Variants in MYO3A observed in about 807,000 individuals in gnomAD.
MYO3A encodes myosin-IIIa.
MYO3A carries 180 observed loss-of-function variants against 192.7 expected under a neutral mutation model. The observed-to-expected ratio is 0.93, with a 90% CI of 0.83 to 1.06. MYO3A has a LOEUF of 1.06. Ranked by LOEUF, MYO3A falls within the 50% of genes least tolerant of loss-of-function variation. MYO3A has a pLI of 0.00. For synonymous variants in MYO3A, 628 were observed against 645.3 expected (o/e 0.97, Z 0.41); for missense variants, 1,896 against 1,905.0 (o/e 1.00, Z 0.09).
At chr10:25,937,489 G>C (rs1836166382) in intron 2 of MYO3A, among the ~76,000 whole-genome samples, 1 of 152,158 alleles carries the variant, frequency 6.6e-6, no homozygotes, top group African/African-American at 2.4e-5. Flanking sequence ...CTCAGGTGAT[G>C]CTTATATCAA....
intron 10 of MYO3A, among the ~76,000 whole-genome samples, chr10:26,039,539 T>C (rs535970337): frequency 1.3e-5 from 2 of 152,246 alleles, no homozygotes; most frequent in African/African-American, 4.8e-5. Context: ...TGGGAGACTT[T>C]TTATGACGGC....
intron 4 of MYO3A, among the ~76,000 whole-genome samples, chr10:25,986,960 C>A (rs531162134): frequency 6.6e-6 from 1 of 152,066 alleles, no homozygotes; most frequent in African/African-American, 2.4e-5. Context: ...AACTTCAAAC[C>A]ACACTATAGG....
At chr10:25,966,717 C>A (rs12241145) in intron 4 of MYO3A, among the ~76,000 whole-genome samples, 2,733 of 152,188 alleles carry the variant, frequency 0.018, 93 homozygotes, top group African/African-American at 0.062. Context: ...GTTTTCTAAA[C>A]AAGCACAAAG....
Position 26,202,949 on chromosome 10 carries a change from T to G in MYO3A, c.4587-15T>G, listed in dbSNP as rs763541016. On this transcript the variant is annotated splice_polypyrimidine_tract_variant and intron_variant, in intron 33 of 34. Transcript: ENST00000642920. ...TTAGATTGATGCAATGGTGTGTTTA[T>G]GTGTTCATTTACAGTCAGGGAAAAT... 1 of 1,613,126 alleles carries G rather than the reference T, an allele frequency of 6.2e-7. No homozygotes were observed. The highest frequency in any genetic ancestry group is 8.5e-7 in the Non-Finnish European group (1 of 1,179,318).
rs1835143446 is a variant in MYO3A, at chr10:26,070,527, G to C, written c.1359+126G>C. Reference sequence around the variant, plus strand: ...TAATGTACAGAAATTTTAAAATACAGTTGTTATCCTTTGAGAGTTTAAAAT... The same window carrying C: ...TAATGTACAGAAATTTTAAAATACACTTGTTATCCTTTGAGAGTTTAAAAT... On this transcript the variant is annotated intron_variant, in intron 14 of 34. Transcript: ENST00000642920. 8.1e-6 allele frequency: 7 copies of C among 867,962 alleles called. No homozygotes were observed. In the South Asian group the frequency reaches 1.0e-4, roughly 13 times the overall value. 53.8% of individuals were successfully genotyped at this position (867,962 alleles called of 1,614,324 possible). A position where few individuals can be genotyped will look rare whatever the true frequency, so the allele number is the denominator to read the frequency against.
intron 34 of MYO3A, among the ~76,000 whole-genome samples, chr10:26,208,052 A>AT (rs79735522): frequency 0.19 from 28,462 of 150,140 alleles, 2,808 homozygotes; most frequent in East Asian, 0.32. Context: ...TGTTTTCTTG[A>AT]TTTTTTTTTT....
chr10:26,140,962 C>T (rs1840127434), intron 20 of MYO3A, among the ~76,000 whole-genome samples: 1 of 152,112 alleles, frequency 6.6e-6, no homozygotes, highest in Non-Finnish European at 1.5e-5. Flanking sequence ...GAGTCTCGCT[C>T]TGTCGCCCAG....
In MYO3A at chr10:26,024,003, T is replaced by C. The variant is rs757402790; in HGVS notation, c.732-19T>C. The stretch of plus-strand genomic sequence containing the variant: ...ACTGACCAATATACAGAATCCAACA[T>C]TGATTCTTATTTTTCTAGGAATCCA... On this transcript the variant is annotated intron_variant, in intron 8 of 34. Transcript: ENST00000642920. 9.5e-5 allele frequency: 152 copies of C among 1,606,106 alleles called. 1 individual carries two copies. Among genetic ancestry groups the C allele is most frequent in the South Asian group, 8.0e-4 (73 of 90,912 alleles).
chr10:26,081,689 A>AG (rs1835968995), intron 14 of MYO3A, among the ~76,000 whole-genome samples: 1 of 152,330 alleles, frequency 6.6e-6, no homozygotes, highest in South Asian at 2.1e-4. Flanking sequence ...CTGTGGTGCC[A>AG]GGCAGGAGTG....
At chr10:26,172,180 C>G (rs771254458) in intron 29 of MYO3A, among the ~76,000 whole-genome samples, 5 of 152,198 alleles carry the variant, frequency 3.3e-5, no homozygotes, top group Non-Finnish European at 5.9e-5. Context: ...CAGAGATCTG[C>G]GGGCCAGCAC....
intron 7 of MYO3A, among the ~76,000 whole-genome samples, chr10:26,020,040 G>T (rs370622319): frequency 0.066 from 10,050 of 151,674 alleles, 411 homozygotes; most frequent in Non-Finnish European, 0.094. Flanking sequence ...AAACTATTCT[G>T]TCTTTATATA....
intron 34 of MYO3A, chr10:26,204,223 A>G (rs1195100849): frequency 6.6e-6 from 1 of 152,234 alleles, no homozygotes; most frequent in African/African-American, 2.4e-5. Flanking sequence ...AGAACACCAA[A>G]TGCCAGAAAG....
At chr10:25,983,506 C>T (rs1410751823) in intron 4 of MYO3A, among the ~76,000 whole-genome samples, 1 of 152,132 alleles carries the variant, frequency 6.6e-6, no homozygotes, top group African/African-American at 2.4e-5. Context: ...ATCCACCCGC[C>T]TCGGCCTCCC....
At chr10:25,974,368 A>C (rs890145010) in intron 4 of MYO3A, among the ~76,000 whole-genome samples, 1 of 152,176 alleles carries the variant, frequency 6.6e-6, no homozygotes, top group Non-Finnish European at 1.5e-5. Context: ...TGTTGCTCTC[A>C]TGGAGTTACC....
At position 26,104,890 on chromosome 10, in the gene MYO3A, C is replaced by CAG. The variant is rs560069271; in HGVS notation, c.1776+8209_1776+8210insGA. On this transcript the variant is annotated intron_variant, in intron 17 of 34. Transcript: ENST00000642920. ...ATACACACACACACACACACACACACACACACCCATGCAGATGTTGACACA... is the reference window on the plus strand; with the variant it reads ...ATACACACACACACACACACACACACAGACACACCCATGCAGATGTTGACACA... 4.9e-4 allele frequency among the ~76,000 whole-genome samples: 75 copies of CAG among 151,850 alleles called. 1 individual carries two copies. The highest frequency in any genetic ancestry group is 4.3e-3 in the Admixed American group (66 of 15,246).
chr10:26,000,366 C>G (rs1363314205), intron 6 of MYO3A, among the ~76,000 whole-genome samples: 1 of 152,166 alleles, frequency 6.6e-6, no homozygotes, highest in East Asian at 1.9e-4. Context: ...ATAACATGAT[C>G]TTCACCCCAG....
chr10:25,961,639 A>G (rs1011551013), intron 4 of MYO3A, among the ~76,000 whole-genome samples: 12 of 151,882 alleles, frequency 7.9e-5, no homozygotes, highest in Non-Finnish European at 1.5e-4. Context: ...AAGTGGAGGG[A>G]AAAAAAAGGC....
intron 10 of MYO3A, among the ~76,000 whole-genome samples, chr10:26,034,482 GAAGTA>G (rs2131172341): frequency 6.6e-6 from 1 of 152,310 alleles, no homozygotes; most frequent in African/African-American, 2.4e-5. Flanking sequence ...CCCCATAGAT[GAAGTA>G]AAGACTGTAT....
At chr10:26,177,790 C>T (rs1842406662) in intron 31 of MYO3A, among the ~76,000 whole-genome samples, 1 of 152,242 alleles carries the variant, frequency 6.6e-6, no homozygotes, top group African/African-American at 2.4e-5. Context: ...GGAGGAGCCA[C>T]TGACCTCATG....
Sources: gnomAD v4.1 joint callset for allele counts (sites outside exome capture counted in the v4.1 genomes callset) on GRCh38, gnomAD v4.1.1 for gene constraint, MANE v1.5 for transcripts, NCBI Gene and HGNC (gene_info 2026-07-23, HGNC 2026-07-21) for gene names.